Variants in CACNA2D1 observed in about 807,000 individuals in gnomAD.
The protein encoded by CACNA2D1 is calcium voltage-gated channel auxiliary subunit alpha2delta 1, also known as voltage-dependent calcium channel subunit alpha-2/delta-1.
Under a neutral mutation model 171.5 loss-of-function variants are expected in CACNA2D1, and 53 were observed. The ratio of observed to expected loss-of-function variants is 0.31; its 90% CI spans 0.25 to 0.39. The LOEUF (loss-of-function observed/expected upper bound fraction) is 0.39, where lower values mean the gene tolerates loss of function less well. Among genes scored for constraint, CACNA2D1 ranks in the 10% least tolerant of loss-of-function variants. The pLI is 1.00. For missense variants in CACNA2D1, 903 were observed against 1,299.8 expected (o/e 0.69, Z 4.69); for synonymous variants, 442 against 443.1 (o/e 1.00, Z 0.03).
At chr7:82,314,519 T>C (rs937785383) in intron 3 of CACNA2D1, among the ~76,000 whole-genome samples, 10 of 152,168 alleles carry the variant, frequency 6.6e-5, no homozygotes, top group African/African-American at 2.2e-4. Context: ...GTGGGAAGAA[T>C]TGCAAGAAAG....
At chr7:82,310,169 A>C (rs182273924) in intron 3 of CACNA2D1, among the ~76,000 whole-genome samples, 1 of 152,110 alleles carries the variant, frequency 6.6e-6, no homozygotes, top group African/African-American at 2.4e-5. Context: ...CACTGATATG[A>C]AACAGTTCAA....
intron 7 of CACNA2D1, among the ~76,000 whole-genome samples, chr7:82,079,186 T>C (rs1239666438): frequency 6.6e-6 from 1 of 152,196 alleles, no homozygotes; most frequent in Non-Finnish European, 1.5e-5. Context: ...GTACTCTAAC[T>C]TTCCCCTACA....
At chr7:82,237,334 A>T (rs936023103) in intron 3 of CACNA2D1, among the ~76,000 whole-genome samples, 4 of 151,942 alleles carry the variant, frequency 2.6e-5, no homozygotes, top group African/African-American at 9.7e-5. Flanking sequence ...CTAAAGCTAG[A>T]TCAGCAAATT....
rs919135000 is a variant in CACNA2D1, at chr7:82,349,648, T to C, written c.97A>G (p.Ile33Val). 6.2e-7 allele frequency: 1 copy of C among 1,611,656 alleles called. No individual in the cohort carries two copies. Among genetic ancestry groups the C allele is most frequent in the African/African-American group, 1.3e-5 (1 of 75,012 alleles). The change falls in exon 2 of 39, where the codon ATC becomes GTC. Residue 33 changes from isoleucine (I) to valine (V), a missense_variant and splice_region_variant. Coordinates refer to ENST00000356860, the MANE Select transcript of CACNA2D1 (RefSeq NM_000722.4). ...TGCATCTTATCCACCCATGATTTGATACTGCAGAAATCAGAAAAGATTATG... is the reference window on the plus strand; with the variant it reads ...TGCATCTTATCCACCCATGATTTGACACTGCAGAAATCAGAAAAGATTATG... ...SEEPFPSAVT[I>V]KSWVDKMQED...
chr7:82,438,843 CTT>C (rs372163592), intron 1 of CACNA2D1, among the ~76,000 whole-genome samples: 14 of 152,126 alleles, frequency 9.2e-5, no homozygotes, highest in African/African-American at 3.4e-4. Context: ...ACAGACAGCT[CTT>C]TTAATAGAAA....
intron 3 of CACNA2D1, among the ~76,000 whole-genome samples, chr7:82,283,646 T>C (rs1810394603): frequency 6.6e-6 from 1 of 150,928 alleles, no homozygotes; most frequent in Non-Finnish European, 1.5e-5. Context: ...TCTTATATAC[T>C]AACAATCACC....
chr7:82,156,877 TAGC>T (rs906257156), intron 4 of CACNA2D1, among the ~76,000 whole-genome samples: 2 of 152,122 alleles, frequency 1.3e-5, no homozygotes, highest in African/African-American at 4.8e-5. Flanking sequence ...CCAAACTGAC[TAGC>T]ATCAACATAA....
At chr7:82,315,568 C>T (rs1815016432) in intron 3 of CACNA2D1, among the ~76,000 whole-genome samples, 2 of 151,826 alleles carry the variant, frequency 1.3e-5, no homozygotes, top group Admixed American at 1.3e-4. Context: ...AAGAACAGCA[C>T]TAAAAGAAAG....
rs34180150 is a variant in CACNA2D1 at position 82,432,037 on chromosome 7, T to TAAAAAAAAAAAAAAAAAAAAAA, written c.95+11327_95+11328insTTTTTTTTTTTTTTTTTTTTTT. 1.2e-4 allele frequency among the ~76,000 whole-genome samples: 10 copies of TAAAAAAAAAAAAAAAAAAAAAA among 82,212 alleles called. 1 individual carries two copies. Among genetic ancestry groups the TAAAAAAAAAAAAAAAAAAAAAA allele is most frequent in the African/African-American group, 6.9e-4 (9 of 13,086 alleles). The allele number at this position is 82,212 out of a possible 152,430, so 53.9% of individuals were successfully genotyped here. ...TGGGCAACAGAACAAGACTCTGTCTTAAAAAAAAAAAAAAAAAAAAATTGG... is the reference window on the plus strand; with the variant it reads ...TGGGCAACAGAACAAGACTCTGTCTTAAAAAAAAAAAAAAAAAAAAAAAAAAAAAAAAAAAAAAAAAAATTGG... On this transcript the variant is annotated intron_variant, in intron 1 of 38. Transcript: ENST00000356860.
rs71520795 is a variant in CACNA2D1 at position 82,022,222 on chromosome 7, A to AACACACACACAC, written c.1144-7755_1144-7744dup. Among the ~76,000 whole-genome samples, 807 of 145,866 alleles carry AACACACACACAC rather than the reference A, an allele frequency of 5.5e-3. 6 individuals are homozygous for AACACACACACAC. Among genetic ancestry groups the AACACACACACAC allele is most frequent in the Non-Finnish European group, 7.4e-3 (487 of 65,422 alleles). On this transcript the variant is annotated intron_variant, in intron 12 of 38. Coordinates refer to ENST00000356860, the MANE Select transcript of CACNA2D1 (RefSeq NM_000722.4). ...GTAAATAAATGTTATCAGAGACAAG[A>AACACACACACAC]ACACACACACACACACACACACACA...
At chr7:82,060,711 C>T (rs1474794320) in intron 9 of CACNA2D1, among the ~76,000 whole-genome samples, 184 bp from the exon 10 acceptor site, 3 of 151,838 alleles carry the variant, frequency 2.0e-5, no homozygotes, top group Admixed American at 2.0e-4. Context: ...ATAAGAAATC[C>T]TGCCTTTTTT....
intron 3 of CACNA2D1, among the ~76,000 whole-genome samples, chr7:82,239,865 A>G (rs1804039987): frequency 6.6e-6 from 1 of 152,162 alleles, no homozygotes; most frequent in South Asian, 2.1e-4. Flanking sequence ...ATACATACAC[A>G]TTACCACCCC....
At chr7:82,326,682 G>A (rs1263507833) in intron 3 of CACNA2D1, among the ~76,000 whole-genome samples, 1 of 109,508 alleles carries the variant, frequency 9.1e-6, no homozygotes, top group African/African-American at 2.9e-5. Flanking sequence ...TTTTTACCCA[G>A]AACACTTAAC....
chr7:82,121,137 C>A (rs1789688082), intron 5 of CACNA2D1, among the ~76,000 whole-genome samples: 1 of 152,056 alleles, frequency 6.6e-6, no homozygotes, highest in African/African-American at 2.4e-5. Flanking sequence ...TGGCTCACTA[C>A]ACCCTTGAGT....
chr7:81,995,090 T>C (rs1797907767), intron 19 of CACNA2D1, 151 bp from the exon 20 acceptor site: 2 of 545,904 alleles, frequency 3.7e-6, no homozygotes, highest in Non-Finnish European at 6.6e-6. Flanking sequence ...TCTGCAGTTG[T>C]TCTCAGGGAA....
chr7:82,380,896 T>C (rs1823621482), intron 1 of CACNA2D1, among the ~76,000 whole-genome samples: 1 of 151,926 alleles, frequency 6.6e-6, no homozygotes, highest in Non-Finnish European at 1.5e-5. Context: ...GGTTACACCA[T>C]GTTGGCCAGG....
intron 9 of CACNA2D1, among the ~76,000 whole-genome samples, chr7:82,063,619 G>A (rs541069533): frequency 1.3e-5 from 2 of 151,378 alleles, no homozygotes; most frequent in South Asian, 2.1e-4. Context: ...AAAAACATGA[G>A]TAACCTAAGC....
chr7:82,430,204 G>A (rs1010922653), intron 1 of CACNA2D1, among the ~76,000 whole-genome samples: 4 of 151,978 alleles, frequency 2.6e-5, no homozygotes, highest in African/African-American at 9.7e-5. Flanking sequence ...ATCACCTGAG[G>A]TCAGGAGCCC....
intron 12 of CACNA2D1, among the ~76,000 whole-genome samples, chr7:82,016,383 G>A (rs1800449458): frequency 6.6e-6 from 1 of 152,052 alleles, no homozygotes; most frequent in South Asian, 2.1e-4. Flanking sequence ...TTCAACGGAA[G>A]CATGGCTTTG....
Sources: gnomAD v4.1 joint callset for allele counts (sites outside exome capture counted in the v4.1 genomes callset) on GRCh38, gnomAD v4.1.1 for gene constraint, MANE v1.5 for transcripts, NCBI Gene and HGNC (gene_info 2026-07-23, HGNC 2026-07-21) for gene names.